PTPN5: variants seen among roughly 807,000 people sequenced by gnomAD.
The protein encoded by PTPN5 is tyrosine-protein phosphatase non-receptor type 5.
Under a neutral mutation model 73.9 loss-of-function variants are expected in PTPN5, and 29 were observed. The observed-to-expected ratio is 0.39, with a 90% CI of 0.29 to 0.54. PTPN5 has a LOEUF of 0.54. Among genes scored for constraint, PTPN5 ranks in the 20% least tolerant of loss-of-function variants. PTPN5 has a pLI of 0.65. For synonymous variants in PTPN5, 267 were observed against 304.7 expected (o/e 0.88, Z 1.29); for missense variants, 652 against 751.4 (o/e 0.87, Z 1.55).
intron 3 of PTPN5, among the ~76,000 whole-genome samples, chr11:18,754,048 A>G (rs577253013): frequency 6.6e-6 from 1 of 152,348 alleles, no homozygotes; most frequent in African/African-American, 2.4e-5. Flanking sequence ...GGGACATAAA[A>G]GGAAGTAAAT....
Position 18,744,191 on chromosome 11 carries a change from G to C in PTPN5, c.106C>G (p.Gln36Glu). 2 of 1,549,680 alleles carry C rather than the reference G, an allele frequency of 1.3e-6. No homozygotes were observed. Among genetic ancestry groups the C allele is most frequent in the Non-Finnish European group, 8.7e-7 (1 of 1,151,732 alleles). ...TCCAGTGCCTCCATCACTATCGGCTGGGGGAGACCTGTGGAAGATGGGCCA... is the reference window on the plus strand; with the variant it reads ...TCCAGTGCCTCCATCACTATCGGCTCGGGGAGACCTGTGGAAGATGGGCCA... ...CCSERLPGLP[Q>E]PIVMEALDEA... Residue 36 changes from glutamine to glutamate, a missense_variant, in exon 4 of 15, where the codon CAG becomes GAG. By Grantham distance (29) the Gln-to-Glu change is conservative. Transcript: ENST00000358540.
chr11:18,775,214 CTCTT>C (rs2134332718), intron 1 of PTPN5, among the ~76,000 whole-genome samples: 1 of 152,358 alleles, frequency 6.6e-6, no homozygotes, highest in East Asian at 1.9e-4. Context: ...TTCCTAACCT[CTCTT>C]TCACTTTTTA....
chr11:18,791,605 CGTGTGTCCCTGCTTGTGTCTGT>C lies in PTPN5; in HGVS notation c.-216_-195del, dbSNP rs1851933569. The C allele has an allele frequency of 2.0e-5, 3 of 152,724 alleles. No individual in the cohort carries two copies. The highest frequency in any genetic ancestry group is 2.0e-4 in the Admixed American group (3 of 15,292). 9.5% of individuals were successfully genotyped at this position (152,724 alleles called of 1,614,324 possible). A position where few individuals can be genotyped will look rare whatever the true frequency, so the allele number is the denominator to read the frequency against. On this transcript the variant is annotated 5_prime_UTR_variant, in exon 1 of 15. Coordinates refer to ENST00000358540, the MANE Select transcript of PTPN5 (RefSeq NM_006906.2). ...GCGCGCGCGAGTGTGCGTGTGTCTG[CGTGTGTCCCTGCTTGTGTCTGT>C]GCCAGTGTGTATGCGACGGGGGCCG...
intron 1 of PTPN5, among the ~76,000 whole-genome samples, chr11:18,777,583 C>T (rs965682449): frequency 2.6e-5 from 4 of 152,150 alleles, no homozygotes; most frequent in Non-Finnish European, 1.5e-5. Context: ...TTTCTCTTTA[C>T]TGGACCTGAA....
At chr11:18,792,068 G>A (rs956228586), upstream of PTPN5, 1 of 152,292 alleles carries the variant, frequency 6.6e-6, no homozygotes, top group Non-Finnish European at 1.5e-5. Flanking sequence ...GAGGGCGGAG[G>A]AGTGGGAGCA....
At chr11:18,750,318 T>C (rs1849830064) in intron 3 of PTPN5, among the ~76,000 whole-genome samples, 1 of 152,044 alleles carries the variant, frequency 6.6e-6, no homozygotes, top group African/African-American at 2.4e-5. Context: ...TGCTAATAAA[T>C]GGGTAGAAGC....
rs543313316 is a variant in PTPN5, at chr11:18,768,705, G to C, written c.21-2822C>G. On this transcript the variant is annotated intron_variant, in intron 2 of 14. Coordinates refer to ENST00000358540, the MANE Select transcript of PTPN5 (RefSeq NM_006906.2). ...CACCTCTTGACTGCAAAGGAAAATGGAGCAAGAGCCTCTGCTGCTCTTCCC... is the reference window on the plus strand; with the variant it reads ...CACCTCTTGACTGCAAAGGAAAATGCAGCAAGAGCCTCTGCTGCTCTTCCC... Among the ~76,000 whole-genome samples, 18 of 152,250 alleles carry C rather than the reference G, an allele frequency of 1.2e-4. No individual in the cohort carries two copies. In the East Asian group the frequency reaches 3.5e-3, roughly 29 times the overall value.
chr11:18,764,698 CTTTGT>C (rs531773887), intron 3 of PTPN5, among the ~76,000 whole-genome samples: 34 of 151,934 alleles, frequency 2.2e-4, no homozygotes, highest in South Asian at 8.3e-4. Context: ...AAAGACTTGT[CTTTGT>C]TTTGTTTTGT....
chr11:18,743,611 C>T (rs920354035), intron 4 of PTPN5, 182 bp from the exon 5 acceptor site: 6 of 613,040 alleles, frequency 9.8e-6, no homozygotes, highest in Non-Finnish European at 1.7e-5. Flanking sequence ...CAGGACTCTC[C>T]TTGGAGAAAA....
At chr11:18,740,517 T>C (rs1384278149) in intron 8 of PTPN5, 86 bp downstream of exon 8, 2 of 1,252,332 alleles carry the variant, frequency 1.6e-6, no homozygotes, top group Non-Finnish European at 2.1e-6. Context: ...GATGCTGAGT[T>C]CCAGGCACCA....
At chr11:18,745,515 A>G (rs1165660689) in intron 3 of PTPN5, among the ~76,000 whole-genome samples, 2 of 152,020 alleles carry the variant, frequency 1.3e-5, no homozygotes, top group East Asian at 3.9e-4. Context: ...CTCTGCCTGG[A>G]ACATCCCTCC....
chr11:18,736,066 A>G (rs1189934862), intron 9 of PTPN5, among the ~76,000 whole-genome samples: 1 of 152,172 alleles, frequency 6.6e-6, no homozygotes, highest in Non-Finnish European at 1.5e-5. Flanking sequence ...GAAAGCCCTA[A>G]CCTCAAAAAC....
chr11:18,754,656 CCAAT>C (rs1165309121), intron 3 of PTPN5, among the ~76,000 whole-genome samples: 1 of 152,170 alleles, frequency 6.6e-6, no homozygotes, highest in Non-Finnish European at 1.5e-5. Context: ...TTTGGAGTGG[CCAAT>C]CATTTTTTCT....
chr11:18,791,937 C>G (rs373199566), upstream of PTPN5: 5 of 152,300 alleles, frequency 3.3e-5, no homozygotes, highest in East Asian at 5.9e-4. Context: ...TCCCGGGGCA[C>G]GAAGGGGGCC....
chr11:18,756,083 G>C (rs1023315283), intron 3 of PTPN5, among the ~76,000 whole-genome samples: 8 of 151,974 alleles, frequency 5.3e-5, no homozygotes, highest in African/African-American at 1.9e-4. Flanking sequence ...GCTGAGATGG[G>C]GTAGGCTAGT....
intron 7 of PTPN5, among the ~76,000 whole-genome samples, chr11:18,741,106 C>T (rs1405577154): frequency 6.6e-6 from 1 of 152,146 alleles, no homozygotes; most frequent in African/African-American, 2.4e-5. Context: ...CCTCCATCAC[C>T]GTTGGAGGAA....
At chr11:18,781,337 TG>T (rs1851420800) in intron 1 of PTPN5, among the ~76,000 whole-genome samples, 1 of 149,904 alleles carries the variant, frequency 6.7e-6, no homozygotes, top group Non-Finnish European at 1.5e-5. Flanking sequence ...TTTTTTTTTT[TG>T]AGATGGAGTC....
At chr11:18,732,017 G>C (rs1030234022) in intron 12 of PTPN5, among the ~76,000 whole-genome samples, 3 of 152,214 alleles carry the variant, frequency 2.0e-5, no homozygotes, top group African/African-American at 7.2e-5. Context: ...CAACTTCAGG[G>C]TGGGAGGATA....
At chr11:18,782,338 C>T (rs1485324570) in intron 1 of PTPN5, among the ~76,000 whole-genome samples, 2 of 152,070 alleles carry the variant, frequency 1.3e-5, no homozygotes, top group Non-Finnish European at 2.9e-5. Flanking sequence ...AGGGATTCTC[C>T]TGCCTCAGCC....
Sources: allele counts gnomAD v4.1 joint callset (sites outside exome capture counted in the v4.1 genomes callset), GRCh38; gene constraint gnomAD v4.1.1; transcripts MANE v1.5; gene names NCBI Gene and HGNC (gene_info 2026-07-23, HGNC 2026-07-21).